Variants in KCTD3 observed in about 807,000 individuals in gnomAD.
KCTD3 encodes the protein potassium channel tetramerization domain containing 3.
In KCTD3, 41 loss-of-function variants were observed where a neutral mutation model predicts 85.8. The observed-to-expected ratio is 0.48, with a 90% CI of 0.37 to 0.62. The LOEUF is 0.62. KCTD3 is among the 20% of genes least tolerant of loss of function. The pLI, the probability that KCTD3 is intolerant of heterozygous loss-of-function variation, is 0.00. For missense variants in KCTD3, 724 were observed against 989.9 expected, an observed-to-expected ratio of 0.73 and a Z score of 3.60; for synonymous variants, 338 against 345.4, an observed-to-expected ratio of 0.98 and a Z score of 0.24.
intron 15 of KCTD3, among the ~76,000 whole-genome samples, chr1:215,614,273 C>T (rs981356918): frequency 3.9e-5 from 6 of 152,012 alleles, no homozygotes; most frequent in East Asian, 3.9e-4. Flanking sequence ...CCTCATGATC[C>T]GCTCACCTCC....
intron 1 of KCTD3, among the ~76,000 whole-genome samples, chr1:215,568,916 T>A (rs1486777098): frequency 6.6e-6 from 1 of 152,136 alleles, no homozygotes; most frequent in Non-Finnish European, 1.5e-5. Context: ...ACCAGTCTTA[T>A]GGAGATTTAT....
chr1:215,582,698 A>T (rs1455910427), intron 8 of KCTD3, among the ~76,000 whole-genome samples: 1 of 152,036 alleles, frequency 6.6e-6, no homozygotes, highest in Non-Finnish European at 1.5e-5. Flanking sequence ...AGTAGCTGGG[A>T]CTACAGGTGT....
intron 17 of KCTD3, among the ~76,000 whole-genome samples, 158 bp downstream of exon 17, chr1:215,619,449 C>A (rs1056581834): frequency 2.0e-5 from 3 of 152,148 alleles, no homozygotes; most frequent in African/African-American, 7.2e-5. Context: ...TACCAAATTT[C>A]TTGATAGGCA....
At chr1:215,593,400 T>C (rs1490593777) in intron 9 of KCTD3, among the ~76,000 whole-genome samples, 1 of 152,240 alleles carries the variant, frequency 6.6e-6, no homozygotes, top group East Asian at 1.9e-4. Context: ...TGTTTTGGTT[T>C]CTTTTTGTCA....
intron 8 of KCTD3, among the ~76,000 whole-genome samples, 197 bp from the exon 9 acceptor site, chr1:215,586,298 A>G (rs939769940): frequency 6.6e-6 from 1 of 152,230 alleles, no homozygotes; most frequent in African/African-American, 2.4e-5. Context: ...CAAGTATACA[A>G]TACCCCAAGG....
intron 3 of KCTD3, 35 bp from the exon 4 acceptor site, chr1:215,575,866 G>A (rs1171366008): frequency 8.4e-7 from 1 of 1,185,964 alleles, no homozygotes; most frequent in Non-Finnish European, 1.2e-6. Context: ...AGATTAATTT[G>A]TAATTTGAAA....
chr1:215,611,469 C>T (rs948201152), intron 14 of KCTD3, among the ~76,000 whole-genome samples: 8 of 151,886 alleles, frequency 5.3e-5, no homozygotes, highest in African/African-American at 9.7e-5. Context: ...TTAATGTATA[C>T]GTCTCTTTTA....
intron 15 of KCTD3, among the ~76,000 whole-genome samples, chr1:215,613,365 G>T (rs537629774): frequency 6.6e-6 from 1 of 152,222 alleles, no homozygotes; most frequent in Admixed American, 6.5e-5. Context: ...TGTTTTACTT[G>T]TTGATTTGAG....
chr1:215,611,722 G>A (rs894463704), intron 14 of KCTD3, 103 bp from the exon 15 acceptor site: 90 of 688,936 alleles, frequency 1.3e-4, no homozygotes, highest in Middle Eastern at 3.9e-4. Context: ...ATATTGGTAC[G>A]TATAAGAAAT....
chr1:215,596,027 A>G (rs1477980133), intron 10 of KCTD3, among the ~76,000 whole-genome samples: 3 of 152,308 alleles, frequency 2.0e-5, no homozygotes, highest in Admixed American at 6.5e-5. Context: ...CAATCCAGCA[A>G]TCAAGAAGCA....
chr1:215,586,807 T>G (rs1344875683), intron 9 of KCTD3, 122 bp downstream of exon 9: 8 of 725,112 alleles, frequency 1.1e-5, no homozygotes, highest in Non-Finnish European at 1.8e-5. Flanking sequence ...TGTCACAGTA[T>G]TTAATGTGGG....
intron 9 of KCTD3, among the ~76,000 whole-genome samples, chr1:215,592,375 T>C (rs79684542): frequency 2.0e-5 from 3 of 152,004 alleles, no homozygotes; most frequent in Non-Finnish European, 4.4e-5. Context: ...TTTTTTTTTT[T>C]GTTGTTACTG....
intron 10 of KCTD3, among the ~76,000 whole-genome samples, chr1:215,596,167 G>A (rs1660409904): frequency 6.6e-6 from 1 of 152,152 alleles, no homozygotes; most frequent in Admixed American, 6.5e-5. Flanking sequence ...GAAGAGAAAT[G>A]TATTTCTAAT....
intron 6 of KCTD3, among the ~76,000 whole-genome samples, chr1:215,578,511 T>C (rs991149228): frequency 1.3e-5 from 2 of 152,212 alleles, no homozygotes; most frequent in African/African-American, 2.4e-5. Context: ...GATAAGTCAG[T>C]GTCACCTCAG....
At chr1:215,590,974 G>T (rs908063531) in intron 9 of KCTD3, among the ~76,000 whole-genome samples, 17 of 152,130 alleles carry the variant, frequency 1.1e-4, no homozygotes, top group African/African-American at 4.1e-4. Flanking sequence ...AACCTGTTAG[G>T]CTTGTTTCAG....
chr1:215,590,621 A>G (rs1660174415), intron 9 of KCTD3, among the ~76,000 whole-genome samples: 1 of 152,094 alleles, frequency 6.6e-6, no homozygotes. Flanking sequence ...TTCAATCTGC[A>G]GTTAAGTTCA....
intron 14 of KCTD3, among the ~76,000 whole-genome samples, chr1:215,610,727 G>A (rs2102600264): frequency 6.6e-6 from 1 of 151,980 alleles, no homozygotes; most frequent in East Asian, 1.9e-4. Flanking sequence ...CATCATATAG[G>A]ACCTATGAGA....
intron 15 of KCTD3, among the ~76,000 whole-genome samples, chr1:215,615,623 A>G (rs1397984167): frequency 1.4e-5 from 2 of 142,472 alleles, no homozygotes; most frequent in Non-Finnish European, 3.1e-5. Flanking sequence ...CCGTCTCAAG[A>G]AAAAAAAAAA....
intron 8 of KCTD3, chr1:215,580,963 T>C (rs1201479101): frequency 2.1e-5 from 10 of 468,006 alleles, no homozygotes; most frequent in Non-Finnish European, 4.4e-5. Context: ...CAGACTTTTA[T>C]GTTTTAAGAG....
Sources: gnomAD v4.1 joint callset for allele counts (sites outside exome capture counted in the v4.1 genomes callset) on GRCh38, gnomAD v4.1.1 for gene constraint, MANE v1.5 for transcripts, NCBI Gene and HGNC (gene_info 2026-07-23, HGNC 2026-07-21) for gene names.